CILP: variants seen among roughly 807,000 people sequenced by gnomAD.
CILP encodes the protein cartilage intermediate layer protein 1.
A neutral mutation model predicts 82.5 loss-of-function variants in CILP; 75 were observed. That is an observed-to-expected ratio of 0.91 (90% confidence interval 0.75 to 1.10). The LOEUF is 1.10. Ranked by LOEUF, CILP falls within the 50% of genes least tolerant of loss-of-function variation. The pLI is 0.00. For missense variants in CILP, 1,479 were observed against 1,530.8 expected (o/e 0.97, Z 0.56); for synonymous variants, 530 against 580.3 (o/e 0.91, Z 1.25).
chr15:65,196,584 G>T lies in CILP; in HGVS notation c.*147C>A. The T allele has an allele frequency of 1.5e-6, 1 of 686,604 alleles. No individual in the cohort carries two copies. The highest frequency in any genetic ancestry group is 2.3e-6 in the Non-Finnish European group (1 of 433,242). 42.5% of individuals were successfully genotyped at this position (686,604 alleles called of 1,614,324 possible). On this transcript the variant is annotated 3_prime_UTR_variant, in exon 9 of 9. Transcript: ENST00000261883. ...GGGCCACGTGCCAATCAGTAGCATG[G>T]GACAAAGTAAGTAAAGGCATGAAGA...
At chr15:65,208,632 G>A (rs1468022400) in intron 2 of CILP, among the ~76,000 whole-genome samples, 1 of 152,186 alleles carries the variant, frequency 6.6e-6, no homozygotes, top group Non-Finnish European at 1.5e-5. Flanking sequence ...GCCTGAGGAT[G>A]GGTACAGGGT....
At position 65,207,684 on chromosome 15, in the gene CILP, C is replaced by G; in HGVS notation, c.142G>C (p.Asp48His). The G allele has an allele frequency of 6.2e-7, 1 of 1,614,072 alleles. No homozygotes were observed. The highest frequency in any genetic ancestry group is 1.1e-5 in the South Asian group (1 of 91,056). ...KNPSIFAKPA[D>H]TLESPGEWTT... ...AGCCACAACTCACTCTCCAGGGTGT[C>G]GGCAGGCTTGGCAAAGATGCTGGGG... Residue 48 changes from aspartate (D) to histidine (H), a missense_variant, in exon 3 of 9, where the codon GAC (aspartate) becomes CAC (histidine). By Grantham distance (81) the Asp-to-His change is moderately conservative. Transcript: ENST00000261883.
chr15:65,207,523 G>A (rs1433106989), intron 3 of CILP, 149 bp downstream of exon 3: 2 of 671,818 alleles, frequency 3.0e-6, no homozygotes, highest in East Asian at 2.7e-5. Context: ...TATATACTAA[G>A]TTCCTTGGCT....
chr15:65,205,103 C>T (rs183338838), intron 5 of CILP, among the ~76,000 whole-genome samples, 184 bp downstream of exon 5: 27 of 152,286 alleles, frequency 1.8e-4, no homozygotes, highest in African/African-American at 6.0e-4. Flanking sequence ...GATAATTGAC[C>T]CTGCCCTGTG....
chr15:65,199,596 G>T (rs1176787975), intron 8 of CILP, among the ~76,000 whole-genome samples: 1 of 152,234 alleles, frequency 6.6e-6, no homozygotes, highest in Non-Finnish European at 1.5e-5. Context: ...GCCAAGGTGG[G>T]TGGGTTGCTT....
rs186614355 is a variant in CILP at position 65,206,513 on chromosome 15, G to A, written c.424+269C>T. On this transcript the variant is annotated intron_variant, in intron 4 of 8. Coordinates refer to ENST00000261883, the MANE Select transcript of CILP (RefSeq NM_003613.4). ...TTCAGAGCCTGTGGTCTTCACCATG[G>A]TACCACTCAAACATAATAAAATAGG... Among the ~76,000 whole-genome samples, 453 of 152,158 alleles carry A rather than the reference G, an allele frequency of 3.0e-3. 4 individuals carry two copies. The highest frequency in any genetic ancestry group is 3.9e-3 in the Non-Finnish European group (262 of 68,016).
intron 6 of CILP, 26 bp downstream of exon 6, chr15:65,204,241 CA>C: frequency 6.3e-7 from 1 of 1,593,298 alleles, no homozygotes. Context: ...ACCTTCTCAC[CA>C]GCCCTACCCC....
rs2585034 is a variant in CILP at position 65,204,249 on chromosome 15, C to T, written c.919+19G>A. ...AATCTGGACCTTCTCACCAGCCCTACCCCAAAGAATTTAGTTACCTGCCCT... is the reference window on the plus strand; with the variant it reads ...AATCTGGACCTTCTCACCAGCCCTATCCCAAAGAATTTAGTTACCTGCCCT... On this transcript the variant is annotated intron_variant, in intron 6 of 8. Transcript: ENST00000261883. 962,289 of 1,606,592 alleles carry T rather than the reference C, an allele frequency of 0.6. 294,150 individuals are homozygous for T. Among genetic ancestry groups the T allele is most frequent in the Non-Finnish European group, 0.63 (741,492 of 1,176,062 alleles).
At chr15:65,201,794 C>T (rs1293408599) in intron 8 of CILP, 78 bp downstream of exon 8, 4 of 748,444 alleles carry the variant, frequency 5.3e-6, no homozygotes, top group Non-Finnish European at 8.0e-6. Flanking sequence ...TTAGCTATTA[C>T]TGCATAGTTA....
Position 65,204,293 on chromosome 15 carries a change from G to A in CILP, c.894C>T (p.Thr298=). 1 of 1,614,000 alleles carries A rather than the reference G, an allele frequency of 6.2e-7. No homozygotes were observed. ...TMPKTSLKAA[T]IKAEFVRAET... is the part of the protein sequence containing the mutation. Reference sequence around the variant, plus strand: ...CTGCCCTCACAAACTCTGCCTTGATGGTGGCTGCCTTCAGGCTAGTCTTGG... The same window carrying A: ...CTGCCCTCACAAACTCTGCCTTGATAGTGGCTGCCTTCAGGCTAGTCTTGG... Residue 298 remains threonine, a synonymous_variant, in exon 6 of 9, where the codon ACC becomes ACT. Coordinates refer to ENST00000261883, the MANE Select transcript of CILP (RefSeq NM_003613.4).
At chr15:65,200,219 T>G (rs1353433470) in intron 8 of CILP, among the ~76,000 whole-genome samples, 2 of 152,236 alleles carry the variant, frequency 1.3e-5, no homozygotes, top group African/African-American at 2.4e-5. Flanking sequence ...CATATACATT[T>G]GGAAATTATA....
chr15:65,206,278 G>T (rs941213977), intron 4 of CILP, among the ~76,000 whole-genome samples: 2 of 152,112 alleles, frequency 1.3e-5, no homozygotes, highest in Non-Finnish European at 2.9e-5. Context: ...CTGGCACATA[G>T]GAACAAGAAT....
At chr15:65,210,482 A>G (rs1390219704) in intron 1 of CILP, among the ~76,000 whole-genome samples, 1 of 152,190 alleles carries the variant, frequency 6.6e-6, no homozygotes, top group African/African-American at 2.4e-5. Flanking sequence ...GCATTGTGAG[A>G]GGCCAGGGCT....
In CILP at chr15:65,209,679, G is replaced by A; in HGVS notation, c.61+16C>T. 6.2e-7 allele frequency: 1 copy of A among 1,613,516 alleles called. No individual in the cohort carries two copies. Among genetic ancestry groups the A allele is most frequent in the East Asian group, 2.2e-5 (1 of 44,856 alleles). On this transcript the variant is annotated intron_variant, in intron 2 of 8. Coordinates refer to ENST00000261883, the MANE Select transcript of CILP (RefSeq NM_003613.4). ...CAAGTGGAAGATTTGGGAGCCAGCA[G>A]ATACTTAGCCTATACCCAACACAGA...
At position 65,198,319 on chromosome 15, in the gene CILP, G is replaced by C. The variant is rs770435086; in HGVS notation, c.1967C>G (p.Thr656Arg). ...NDEGDTFPLRTYGMFSVDFRD... is the reference protein window; with the variant it reads ...NDEGDTFPLRRYGMFSVDFRD... ...GAAGTCCACAGAGAACATGCCATAC[G>C]TCCGAAGGGGGAAAGTGTCTCCTTC... The change falls in exon 9 of 9, where the codon ACG becomes AGG. Residue 656 changes from threonine to arginine, a missense_variant. Thr to Arg is a moderately conservative substitution (Grantham distance 71). Coordinates refer to ENST00000261883, the MANE Select transcript of CILP (RefSeq NM_003613.4). 1 of 1,614,244 alleles carries C rather than the reference G, an allele frequency of 6.2e-7. No homozygotes were observed. Among genetic ancestry groups the C allele is most frequent in the Non-Finnish European group, 8.5e-7 (1 of 1,180,046 alleles).
chr15:65,201,800 A>G, intron 8 of CILP, 72 bp downstream of exon 8: 1 of 1,034,420 alleles, frequency 9.7e-7, no homozygotes, highest in Non-Finnish European at 1.3e-6. Flanking sequence ...ATTACTGCAT[A>G]GTTATGCCCA....
rs1282810309 is a variant in CILP at position 65,204,157 on chromosome 15, GGATTC to G, written c.919+106_919+110del. 7.6e-6 allele frequency: 7 copies of G among 915,696 alleles called. No homozygotes were observed. In the African/African-American group the frequency reaches 8.4e-5, roughly 11 times the overall value. The allele number at this position is 915,696 out of a possible 1,614,324, so 56.7% of individuals were successfully genotyped here. On this transcript the variant is annotated intron_variant, in intron 6 of 8. Transcript: ENST00000261883. ...TATAGTGCCATGTGGGCCATGGTAA[GGATTC>G]GGGGTTTTACTCCAAGTTAGCTGGG...
intron 8 of CILP, 98 bp downstream of exon 8, chr15:65,201,769 GAAAAA>G: frequency 2.0e-6 from 1 of 498,208 alleles, no homozygotes; most frequent in Non-Finnish European, 3.2e-6. Context: ...GAAAAGAAAA[GAAAAA>G]AGAAAAGCCT....
chr15:65,206,679 G>T, intron 4 of CILP, 103 bp downstream of exon 4: 1 of 1,262,190 alleles, frequency 7.9e-7, no homozygotes, highest in Non-Finnish European at 1.1e-6. Context: ...GCATACGCAT[G>T]TGTGTGATGC....
Sources: gnomAD v4.1 joint callset for allele counts (sites outside exome capture counted in the v4.1 genomes callset) on GRCh38, gnomAD v4.1.1 for gene constraint, MANE v1.5 for transcripts, NCBI Gene and HGNC (gene_info 2026-07-23, HGNC 2026-07-21) for gene names.